ASIC2: variants seen among roughly 807,000 people sequenced by gnomAD.
ASIC2 encodes the protein acid sensing ion channel subunit 2.
ASIC2 carries 25 observed loss-of-function variants against 57.3 expected under a neutral mutation model. The ratio of observed to expected loss-of-function variants is 0.44; its 90% confidence interval spans 0.32 to 0.61. The LOEUF is 0.61. Among genes scored for constraint, ASIC2 ranks in the 20% least tolerant of loss-of-function variants. The pLI is 0.06. For missense variants in ASIC2, 641 were observed against 738.1 expected, an observed-to-expected ratio of 0.87 and a Z score of 1.52; for synonymous variants, 319 against 307.5, an observed-to-expected ratio of 1.04 and a Z score of -0.39.
Position 33,649,231 on chromosome 17 carries a change from T to C in ASIC2, c.555+506747A>G, listed in dbSNP as rs377140844. On this transcript the variant is annotated intron_variant, in intron 1 of 9. Coordinates refer to the ASIC2 transcript ENST00000359872. ...GCAAGGTTGCAAGACAAGATCAATATACAAAAATCAACTGTATTTCTATAT... is the reference window on the plus strand; with the variant it reads ...GCAAGGTTGCAAGACAAGATCAATACACAAAAATCAACTGTATTTCTATAT... 5.6e-4 allele frequency among the ~76,000 whole-genome samples: 85 copies of C among 152,336 alleles called. 2 individuals carry two copies. The South Asian group carries it at 0.014, about 25-fold the overall frequency.
At chr17:33,673,233 G>A (rs1455710422) in intron 1 of ASIC2, among the ~76,000 whole-genome samples, 1 of 152,134 alleles carries the variant, frequency 6.6e-6, no homozygotes, top group Non-Finnish European at 1.5e-5. Flanking sequence ...GGAAGAGTGA[G>A]GAGACCATTT....
At chr17:33,076,319 G>A (rs2092088968) in intron 3 of ASIC2, among the ~76,000 whole-genome samples, 1 of 152,220 alleles carries the variant, frequency 6.6e-6, no homozygotes, top group Non-Finnish European at 1.5e-5. Context: ...GTCCGGGTAG[G>A]AGGCTGTGCC....
Position 33,512,364 on chromosome 17 carries a change from G to A in ASIC2, c.556-400297C>T, listed in dbSNP as rs181280453. Among the ~76,000 whole-genome samples the A allele has an allele frequency of 4.9e-3, 752 of 152,294 alleles. 2 individuals carry two copies. The highest frequency in any genetic ancestry group is 8.6e-3 in the Non-Finnish European group (587 of 68,022). On this transcript the variant is annotated intron_variant, in intron 1 of 9. Transcript: ENST00000359872. ...GGACAGAAGCTTCTCCATGGACCAG[G>A]TTCCAAGGCTAGTTGGTCATAGCTG...
chr17:33,789,464 T>TCTCACACACACACA (rs145766933), intron 1 of ASIC2, among the ~76,000 whole-genome samples: 1,479 of 144,502 alleles, frequency 0.01, 30 homozygotes, highest in Admixed American at 0.035. Flanking sequence ...AGAATCATGG[T>TCTCACACACACACA]CACACACACA....
intron 1 of ASIC2, among the ~76,000 whole-genome samples, chr17:33,392,392 T>C (rs1029788982): frequency 3.3e-5 from 5 of 151,984 alleles, no homozygotes; most frequent in Non-Finnish European, 2.9e-5. Flanking sequence ...GCTTCCCAAG[T>C]AACAAGGACT....
intron 1 of ASIC2, among the ~76,000 whole-genome samples, chr17:33,812,960 C>A (rs760890592): frequency 9.2e-5 from 14 of 152,118 alleles, no homozygotes; most frequent in Non-Finnish European, 1.8e-4. Flanking sequence ...TGGGAGGGGG[C>A]TTCTTATGTT....
At chr17:33,974,357 A>T (rs1276055209) in intron 1 of ASIC2, among the ~76,000 whole-genome samples, 2 of 152,054 alleles carry the variant, frequency 1.3e-5, no homozygotes, top group Non-Finnish European at 2.9e-5. Context: ...TCCAGCAGCC[A>T]TTGTGCTTAT....
chr17:33,478,214 G>A (rs146767402), intron 1 of ASIC2, among the ~76,000 whole-genome samples: 12 of 152,340 alleles, frequency 7.9e-5, no homozygotes, highest in Non-Finnish European at 1.8e-4. Context: ...CCAAGAGGGG[G>A]CACAGCTGAC....
At chr17:33,783,348 T>C (rs1451404806) in intron 1 of ASIC2, among the ~76,000 whole-genome samples, 1 of 152,198 alleles carries the variant, frequency 6.6e-6, no homozygotes, top group Non-Finnish European at 1.5e-5. Flanking sequence ...ACATAACCTC[T>C]CCATGCCTCA....
At chr17:34,116,155 T>A (rs1875928515) in intron 1 of ASIC2, among the ~76,000 whole-genome samples, 2 of 152,328 alleles carry the variant, frequency 1.3e-5, no homozygotes, top group South Asian at 2.1e-4. Flanking sequence ...CTGAGCACCT[T>A]TCTCCCTCTC....
chr17:33,202,798 T>G (rs564547740), intron 1 of ASIC2, among the ~76,000 whole-genome samples: 16 of 152,280 alleles, frequency 1.1e-4, no homozygotes, highest in Admixed American at 3.3e-4. Context: ...TGGAGCTTGC[T>G]CCTGGATGGG....
At chr17:33,682,588 C>A (rs760063974) in intron 1 of ASIC2, among the ~76,000 whole-genome samples, 1,978 of 152,152 alleles carry the variant, frequency 0.013, 15 homozygotes, top group Middle Eastern at 0.02. Flanking sequence ...GGCTTAATGC[C>A]ACAGTCAAAT....
chr17:33,554,910 G>C (rs1253711339), intron 1 of ASIC2, among the ~76,000 whole-genome samples: 1 of 152,042 alleles, frequency 6.6e-6, no homozygotes, highest in Non-Finnish European at 1.5e-5. Context: ...TAAATAAAAG[G>C]GAAGGAGCCT....
chr17:33,089,456 T>C (rs1038085775), intron 2 of ASIC2, among the ~76,000 whole-genome samples: 2 of 152,200 alleles, frequency 1.3e-5, no homozygotes, highest in Admixed American at 6.5e-5. Context: ...TTGATTTTAT[T>C]GAGCCTAGGG....
At chr17:33,760,174 T>A (rs1343690148) in intron 1 of ASIC2, among the ~76,000 whole-genome samples, 6 of 150,276 alleles carry the variant, frequency 4.0e-5, no homozygotes, top group East Asian at 1.9e-4. Flanking sequence ...CAAAAAAAAA[T>A]GGACTTATTT....
chr17:33,624,905 G>T (rs1332876608), intron 1 of ASIC2, among the ~76,000 whole-genome samples: 1 of 152,166 alleles, frequency 6.6e-6, no homozygotes, highest in African/African-American at 2.4e-5. Flanking sequence ...AACTAAGCTA[G>T]CACTATGGAA....
intron 1 of ASIC2, among the ~76,000 whole-genome samples, chr17:33,206,960 T>C (rs1016974687): frequency 2.0e-5 from 3 of 152,334 alleles, no homozygotes; most frequent in African/African-American, 7.2e-5. Flanking sequence ...TCTGTCCCTT[T>C]CTAGCAGCAT....
rs1278079899 is a variant in ASIC2, at chr17:34,156,189, G to C, written c.344C>G (p.Ala115Gly). ...GATCTGCAGGTTGACATCCAGCAGG[G>C]CCAGCAGCTCCCCAGCATGGTACAG... Residue 115 changes from alanine to glycine, a missense_variant, in exon 1 of 10, where the codon GCC becomes GGC. Transcript: ENST00000359872. The surrounding 1 kb of genome is among the most constrained non-coding windows in gnomAD (Gnocchi z 4.4). 6.2e-7 allele frequency: 1 copy of C among 1,614,078 alleles called. No homozygotes were observed. The highest frequency in any genetic ancestry group is 1.3e-5 in the African/African-American group (1 of 75,024).
At chr17:33,321,607 A>AG (rs1293330500) in intron 1 of ASIC2, among the ~76,000 whole-genome samples, 1 of 152,094 alleles carries the variant, frequency 6.6e-6, no homozygotes, top group Non-Finnish European at 1.5e-5. Flanking sequence ...TATTATTATT[A>AG]TTTTGCTTCT....
Sources: gnomAD v4.1 joint callset for allele counts (sites outside exome capture counted in the v4.1 genomes callset) on GRCh38, gnomAD v4.1.1 for gene constraint, Gnocchi (gnomAD v3.1) non-coding constraint, MANE v1.5 for transcripts, NCBI Gene and HGNC (gene_info 2026-07-23, HGNC 2026-07-21) for gene names.